KCNU1: variants seen among roughly 807,000 people sequenced by gnomAD.
KCNU1 encodes the protein potassium channel subfamily U member 1.
KCNU1 carries 93 observed loss-of-function variants against 126.8 expected under a neutral mutation model. That is an observed-to-expected ratio of 0.73 (90% CI 0.62 to 0.87). The LOEUF is 0.87. KCNU1 is among the 40% of genes least tolerant of loss of function. The pLI is 0.00. For synonymous variants in KCNU1, 523 were observed against 494.2 expected, an observed-to-expected ratio of 1.06 and a Z score of -0.77; for missense variants, 1,330 against 1,367.1, an observed-to-expected ratio of 0.97 and a Z score of 0.43.
At chr8:36,860,949 G>C (rs2085497492) in intron 18 of KCNU1, among the ~76,000 whole-genome samples, 1 of 149,210 alleles carries the variant, frequency 6.7e-6, no homozygotes, top group Non-Finnish European at 1.5e-5. Context: ...ACTATTAATT[G>C]ACCTTTTTAA....
At chr8:36,814,661 T>G (rs1028060727) in intron 8 of KCNU1, among the ~76,000 whole-genome samples, 4 of 152,208 alleles carry the variant, frequency 2.6e-5, no homozygotes, top group African/African-American at 9.7e-5. Flanking sequence ...TCTTCCTTCA[T>G]AGTTTGCCCA....
rs1489267936 is a variant in KCNU1, at chr8:36,909,432, A to G, written c.2228A>G (p.Tyr743Cys). Residue 743 changes from tyrosine (Y) to cysteine (C), a missense_variant, in exon 21 of 27, where the codon TAT (tyrosine) becomes TGT (cysteine). Around this residue, in one of 3 missense-constraint regions of KCNU1, gnomAD observed 1,054 missense variants for 1,053.9 expected, o/e 1.00. Transcript: ENST00000399881. Reference protein sequence around the residue: ...NFVMPLRASNYTRKELKDIVF... With the variant: ...NFVMPLRASNCTRKELKDIVF... The stretch of plus-strand genomic sequence containing the variant: ...GTAATGCCCTTGAGAGCCAGCAACT[A>G]TACCAGGAAGGAGCTGAAGGACATA... 2 of 1,613,264 alleles carry G rather than the reference A, an allele frequency of 1.2e-6. No individual in the cohort carries two copies. The highest frequency in any genetic ancestry group is 2.2e-5 in the East Asian group (1 of 44,868).
intron 4 of KCNU1, 116 bp downstream of exon 4, chr8:36,805,401 A>G (rs1340196680): frequency 1.5e-6 from 1 of 661,316 alleles, no homozygotes; most frequent in Non-Finnish European, 2.7e-6. Context: ...AAAGATAGCT[A>G]ATCTGTGCCC....
chr8:36,806,566 G>T (rs1304084764), intron 5 of KCNU1, among the ~76,000 whole-genome samples, 186 bp downstream of exon 5: 1 of 152,158 alleles, frequency 6.6e-6, no homozygotes, highest in Non-Finnish European at 1.5e-5. Context: ...TAGCAATGCA[G>T]CAGGCACACA....
At chr8:36,796,144 A>C (rs559357925) in intron 2 of KCNU1, among the ~76,000 whole-genome samples, 1 of 152,152 alleles carries the variant, frequency 6.6e-6, no homozygotes, top group East Asian at 1.9e-4. Flanking sequence ...TGTTTGATAC[A>C]TTATCTATTT....
intron 10 of KCNU1, among the ~76,000 whole-genome samples, chr8:36,830,641 G>C (rs1804502507): frequency 6.6e-6 from 1 of 152,056 alleles, no homozygotes; most frequent in South Asian, 2.1e-4. Context: ...GCGAAACCAT[G>C]TAGAACTAGT....
chr8:36,902,610 T>TA (rs1807462751), intron 19 of KCNU1, among the ~76,000 whole-genome samples: 1 of 152,108 alleles, frequency 6.6e-6, no homozygotes, highest in African/African-American at 2.4e-5. Context: ...TCATGATATG[T>TA]AAACACATGT....
At chr8:36,846,170 C>A (rs1008322156) in intron 18 of KCNU1, among the ~76,000 whole-genome samples, 1 of 152,178 alleles carries the variant, frequency 6.6e-6, no homozygotes, top group African/African-American at 2.4e-5. Flanking sequence ...AGCCAGTTAG[C>A]GGCATCACCA....
intron 22 of KCNU1, among the ~76,000 whole-genome samples, chr8:36,911,976 C>T (rs1563331911): frequency 6.6e-6 from 1 of 152,156 alleles, no homozygotes; most frequent in Non-Finnish European, 1.5e-5. Flanking sequence ...TCTAAAAGTA[C>T]TATTACTGAA....
chr8:36,932,910 C>T lies in KCNU1; in HGVS notation c.2932-10C>T, dbSNP rs1214059872. ...CCCAGCAGACATATTTTTGTCTCTT[C>T]TCTCCCCAGCCAAGAAACACCTTTG... On this transcript the variant is annotated splice_polypyrimidine_tract_variant and intron_variant, in intron 25 of 26. Transcript: ENST00000399881. 6.6e-7 allele frequency: 1 copy of T among 1,508,190 alleles called. No homozygotes were observed. Among genetic ancestry groups the T allele is most frequent in the Non-Finnish European group, 9.1e-7 (1 of 1,104,850 alleles). 93.4% of individuals were successfully genotyped at this position (1,508,190 alleles called of 1,614,324 possible).
chr8:36,800,536 T>C (rs1803265609), intron 2 of KCNU1, among the ~76,000 whole-genome samples: 1 of 152,236 alleles, frequency 6.6e-6, no homozygotes, highest in African/African-American at 2.4e-5. Context: ...GTTCCTCCTC[T>C]GAGAGTGCTC....
intron 23 of KCNU1, among the ~76,000 whole-genome samples, 156 bp from the exon 24 acceptor site, chr8:36,922,334 A>G (rs1343660250): frequency 2.0e-5 from 3 of 152,160 alleles, no homozygotes; most frequent in East Asian, 3.9e-4. Context: ...AGGAAAGAAA[A>G]AAAAAATGTA....
At chr8:36,836,274 A>T in intron 12 of KCNU1, 22 bp from the exon 13 acceptor site, 1 of 1,509,308 alleles carries the variant, frequency 6.6e-7, no homozygotes, top group Non-Finnish European at 9.2e-7. Flanking sequence ...ATGACTAATG[A>T]GAGTGTTTGG....
Position 36,834,779 on chromosome 8 carries a change from A to G in KCNU1, c.1213-7A>G. 6.3e-7 allele frequency: 1 copy of G among 1,594,988 alleles called. No homozygotes were observed. The highest frequency in any genetic ancestry group is 8.6e-7 in the Non-Finnish European group (1 of 1,164,286). On this transcript the variant is annotated splice_polypyrimidine_tract_variant and splice_region_variant and intron_variant, in intron 11 of 26. Coordinates refer to ENST00000399881, the MANE Select transcript of KCNU1 (RefSeq NM_001031836.3). ...CAAGATGGCTCCTGTCCGATCTTGA[A>G]GGGTAGGTGGAATCTGCAGAGGCAT...
At chr8:36,914,017 A>G (rs985579041) in intron 22 of KCNU1, among the ~76,000 whole-genome samples, 8 of 152,206 alleles carry the variant, frequency 5.3e-5, no homozygotes, top group Admixed American at 4.6e-4. Flanking sequence ...TTGTATTAAT[A>G]TTATAGAAAT....
intron 19 of KCNU1, among the ~76,000 whole-genome samples, chr8:36,902,874 T>C (rs1257372440): frequency 1.3e-5 from 2 of 152,082 alleles, no homozygotes; most frequent in African/African-American, 4.8e-5. Context: ...TATAGATAGA[T>C]ATTTAAGTTG....
chr8:36,853,882 G>T lies in KCNU1; in HGVS notation c.1891+7983G>T, dbSNP rs147353562. The stretch of plus-strand genomic sequence containing the variant: ...TTGTATTTCAAACTCAAGGAATCCC[G>T]TTAGTATTTATTGTAGGGTTTGTCA... On this transcript the variant is annotated intron_variant, in intron 18 of 26. Coordinates refer to ENST00000399881, the MANE Select transcript of KCNU1 (RefSeq NM_001031836.3). Among the ~76,000 whole-genome samples the T allele has an allele frequency of 7.5e-4, 114 of 152,188 alleles. 1 individual carries two copies. The highest frequency in any genetic ancestry group is 2.7e-3 in the African/African-American group (112 of 41,538).
At chr8:36,926,159 T>A (rs1354497093) in intron 24 of KCNU1, among the ~76,000 whole-genome samples, 1 of 152,178 alleles carries the variant, frequency 6.6e-6, no homozygotes, top group African/African-American at 2.4e-5. Context: ...GGTTTAATTA[T>A]CCTGTCAAAT....
chr8:36,841,066 T>G, intron 16 of KCNU1, 63 bp downstream of exon 16: 1 of 1,086,710 alleles, frequency 9.2e-7, no homozygotes, highest in South Asian at 1.4e-5. Context: ...TCCTGGAGAT[T>G]CTTTGTGATT....
Sources: gnomAD v4.1 joint callset for allele counts (sites outside exome capture counted in the v4.1 genomes callset) on GRCh38, gnomAD v4.1.1 for gene constraint, gnomAD v4.1.1 regional missense constraint, MANE v1.5 for transcripts, NCBI Gene and HGNC (gene_info 2026-07-23, HGNC 2026-07-21) for gene names.